CCDC175: variants seen among roughly 807,000 people sequenced by gnomAD.
The protein encoded by CCDC175 is coiled-coil domain containing 175.
CCDC175 carries 100 observed loss-of-function variants against 114.6 expected under a neutral mutation model. The ratio of observed to expected loss-of-function variants is 0.87; its 90% CI spans 0.74 to 1.03. CCDC175 has a LOEUF of 1.03. Ranked by LOEUF, CCDC175 falls within the 50% of genes least tolerant of loss-of-function variation. CCDC175 has a pLI of 0.00. For synonymous variants in CCDC175, 306 were observed against 308.7 expected, an observed-to-expected ratio of 0.99 and a Z score of 0.09; for missense variants, 880 against 917.8, an observed-to-expected ratio of 0.96 and a Z score of 0.53.
At chr14:59,526,958 T>A (rs1893779987) in intron 15 of CCDC175, 137 bp downstream of exon 15, 4 of 533,502 alleles carry the variant, frequency 7.5e-6, no homozygotes, top group Non-Finnish European at 1.3e-5. Context: ...ACAAAGATTG[T>A]TAAACATTGA....
chr14:59,511,616 G>T, intron 18 of CCDC175, 144 bp downstream of exon 18: 1 of 554,496 alleles, frequency 1.8e-6, no homozygotes, highest in South Asian at 2.2e-5. Context: ...GACTGCAGGG[G>T]AGTGAGAGAG....
At chr14:59,528,396 A>C (rs2139998564) in intron 14 of CCDC175, among the ~76,000 whole-genome samples, 1 of 123,714 alleles carries the variant, frequency 8.1e-6, no homozygotes, top group Admixed American at 8.2e-5. Context: ...CTCTAGTTAT[A>C]AGAAATATTT....
At chr14:59,534,640 C>T (rs150505530) in intron 13 of CCDC175, among the ~76,000 whole-genome samples, 3 of 152,266 alleles carry the variant, frequency 2.0e-5, no homozygotes, top group African/African-American at 7.2e-5. Context: ...CTGCCATATA[C>T]GGGGCTGTAG....
At chr14:59,548,383 G>A (rs933872195) in intron 8 of CCDC175, among the ~76,000 whole-genome samples, 6 of 152,142 alleles carry the variant, frequency 3.9e-5, no homozygotes, top group African/African-American at 1.4e-4. Context: ...TGAGAATTAT[G>A]ATTGGATGTC....
intron 15 of CCDC175, among the ~76,000 whole-genome samples, chr14:59,526,554 T>C (rs1893751300): frequency 9.3e-6 from 1 of 107,020 alleles, no homozygotes; most frequent in Non-Finnish European, 1.9e-5. Context: ...AGACTCCATC[T>C]CAAAAAAAAA....
intron 12 of CCDC175, among the ~76,000 whole-genome samples, chr14:59,538,499 G>T (rs1020026425): frequency 6.6e-6 from 1 of 152,128 alleles, no homozygotes; most frequent in African/African-American, 2.4e-5. Context: ...TGCTTCAAAA[G>T]CATATTCTAC....
At chr14:59,550,104 T>G (rs1385180793) in intron 8 of CCDC175, among the ~76,000 whole-genome samples, 1 of 152,160 alleles carries the variant, frequency 6.6e-6, no homozygotes, top group Non-Finnish European at 1.5e-5. Flanking sequence ...AAATGGGGTT[T>G]CACCATATTG....
At chr14:59,552,445 A>G (rs1895577735) in intron 7 of CCDC175, among the ~76,000 whole-genome samples, 1 of 152,232 alleles carries the variant, frequency 6.6e-6, no homozygotes, top group Non-Finnish European at 1.5e-5. Flanking sequence ...CAGAAAGGAC[A>G]TCCACACCAA....
At chr14:59,515,074 T>A (rs183707358) in intron 17 of CCDC175, among the ~76,000 whole-genome samples, 88 of 152,262 alleles carry the variant, frequency 5.8e-4, no homozygotes, top group Middle Eastern at 6.8e-3. Flanking sequence ...CTAAGCTTCA[T>A]AAATGAAGGA....
chr14:59,513,947 G>A (rs765892055), intron 17 of CCDC175, among the ~76,000 whole-genome samples: 3 of 152,102 alleles, frequency 2.0e-5, no homozygotes, highest in Non-Finnish European at 4.4e-5. Context: ...TCACATGGCC[G>A]GGTACTCCTC....
chr14:59,575,509 T>G (rs1433063314), intron 1 of CCDC175, among the ~76,000 whole-genome samples: 1 of 95,788 alleles, frequency 1.0e-5, no homozygotes, highest in African/African-American at 6.6e-5. Flanking sequence ...ACATTCCTTT[T>G]TTTTTTTTTT....
rs1327761686 is a variant in CCDC175 at position 59,538,019 on chromosome 14, T to C, written c.1623+4A>G. ...AGTATTCTTAGATGCAAAATAAAAT[T>C]TACCTCATACTTGCTTAACTCTTTC... On this transcript the variant is annotated splice_donor_region_variant and intron_variant, in intron 13 of 19. Transcript: ENST00000537690. The C allele has an allele frequency of 6.6e-7, 1 of 1,518,222 alleles. No individual in the cohort carries two copies. Among genetic ancestry groups the C allele is most frequent in the East Asian group, 2.5e-5 (1 of 40,520 alleles). 94.0% of individuals were successfully genotyped at this position (1,518,222 alleles called of 1,614,324 possible). A position where few individuals can be genotyped will look rare whatever the true frequency, so the allele number is the denominator to read the frequency against.
rs1196564381 is a variant in CCDC175 at position 59,572,706 on chromosome 14, C to T, written c.351G>A (p.Leu117=). Residue 117 remains leucine (L), a synonymous_variant, in exon 3 of 20, where the codon TTG becomes TTA. Transcript: ENST00000537690. Reference sequence around the variant, plus strand: ...AGTTGATAACCTCAAAAGTACCTTCCAATTCCCTCTTAATGCTATTGGGAA... The same window carrying T: ...AGTTGATAACCTCAAAAGTACCTTCTAATTCCCTCTTAATGCTATTGGGAA... The part of the protein sequence containing the change: ...ETLPNSIKRE[L]EECVRDARRL... 6.8e-7 allele frequency: 1 copy of T among 1,475,746 alleles called. No homozygotes were observed. Among genetic ancestry groups the T allele is most frequent in the Non-Finnish European group, 8.9e-7 (1 of 1,117,738 alleles). 91.4% of individuals were successfully genotyped at this position (1,475,746 alleles called of 1,614,324 possible).
chr14:59,564,275 T>C (rs906185874), intron 5 of CCDC175: 2 of 152,918 alleles, frequency 1.3e-5, no homozygotes. Context: ...TCACATTATT[T>C]AATGGGAAAT....
At chr14:59,527,068 AAAAG>A in intron 15 of CCDC175, 23 bp downstream of exon 15, 1 of 1,220,464 alleles carries the variant, frequency 8.2e-7, no homozygotes, top group Non-Finnish European at 1.1e-6. Context: ...AATAATAAAA[AAAAG>A]AATTAATGCA....
intron 17 of CCDC175, among the ~76,000 whole-genome samples, chr14:59,512,763 G>T (rs1246204592): frequency 1.3e-5 from 2 of 151,314 alleles, no homozygotes; most frequent in Non-Finnish European, 2.9e-5. Flanking sequence ...TTCCAACATT[G>T]ACTTATAGAT....
intron 8 of CCDC175, among the ~76,000 whole-genome samples, chr14:59,549,030 A>G (rs1566621455): frequency 6.6e-6 from 1 of 152,354 alleles, no homozygotes; most frequent in East Asian, 1.9e-4. Context: ...GTGCTCTGCA[A>G]CAGGATTTCT....
intron 5 of CCDC175, 28 bp from the exon 6 acceptor site, chr14:59,563,887 T>C: frequency 7.4e-7 from 1 of 1,349,892 alleles, no homozygotes; most frequent in Non-Finnish European, 9.5e-7. Context: ...AGAAACCAAT[T>C]TAAAAAGCCT....
chr14:59,520,534 A>G (rs946824383), intron 17 of CCDC175, among the ~76,000 whole-genome samples: 5 of 152,246 alleles, frequency 3.3e-5, no homozygotes, highest in African/African-American at 9.6e-5. Flanking sequence ...ATGGCCATAA[A>G]AACACTTGTA....
Sources: allele counts gnomAD v4.1 joint callset (sites outside exome capture counted in the v4.1 genomes callset), GRCh38; gene constraint gnomAD v4.1.1; transcripts MANE v1.5; gene names NCBI Gene and HGNC (gene_info 2026-07-23, HGNC 2026-07-21).